Variants in FAM83E observed in about 807,000 individuals in gnomAD.
FAM83E encodes the protein protein FAM83E.
FAM83E carries 29 observed loss-of-function variants against 34.3 expected under a neutral mutation model. That is an observed-to-expected ratio of 0.85 (90% CI 0.63 to 1.15). The LOEUF (loss-of-function observed/expected upper bound fraction) is 1.15. FAM83E is among the 50% of genes most tolerant of loss of function. The pLI is 0.00. For missense variants in FAM83E, 697 were observed against 685.0 expected, an observed-to-expected ratio of 1.02 and a Z score of -0.20; for synonymous variants, 312 against 311.6, an observed-to-expected ratio of 1.00 and a Z score of -0.01.
At chr19:48,607,019 C>T (rs1973943330) in intron 5 of FAM83E, 1 of 1,610,936 alleles carries the variant, frequency 6.2e-7, no homozygotes, top group South Asian at 1.1e-5. Flanking sequence ...ATGGCTCTGC[C>T]CCCAGGCACG....
At chr19:48,610,092 T>A in intron 4 of FAM83E, 92 bp from the exon 5 acceptor site, 1 of 1,500,012 alleles carries the variant, frequency 6.7e-7, no homozygotes, top group Non-Finnish European at 9.0e-7. Context: ...GGGGGACCCA[T>A]GACTCCATAG....
intron 5 of FAM83E, among the ~76,000 whole-genome samples, chr19:48,604,571 A>G (rs1302225547): frequency 6.7e-6 from 1 of 149,054 alleles, no homozygotes; most frequent in African/African-American, 2.5e-5. Flanking sequence ...ACCTCAGGTG[A>G]TCCACCCGCC....
At position 48,610,813 on chromosome 19, in the gene FAM83E, G is replaced by T; in HGVS notation, c.500C>A (p.Pro167Gln). The change falls in exon 4 of 7, where the codon CCA becomes CAA. Residue 167 changes from proline (P) to glutamine (Q), a missense_variant. Physicochemically the swap from Pro to Gln is moderately conservative, Grantham distance 76 (BLOSUM62 -1). Coordinates refer to ENST00000263266, the MANE Select transcript of FAM83E (RefSeq NM_017708.4). ...VAVVMDVFTD[P>Q]DLLLDLVDAA... ...ATCCACCAAGTCCAAAAGCAGGTCT[G>T]GGTCAGTGAAGACGTCCATGACCAC... The T allele has an allele frequency of 6.3e-7, 1 of 1,595,190 alleles. No homozygotes were observed. Among genetic ancestry groups the T allele is most frequent in the East Asian group, 2.3e-5 (1 of 44,076 alleles).
intron 2 of FAM83E, 21 bp downstream of exon 2, chr19:48,614,687 C>T (rs925415962): frequency 5.1e-6 from 5 of 984,878 alleles, no homozygotes; most frequent in South Asian, 4.7e-5. Flanking sequence ...CTCACCCATC[C>T]CCCCCATCGC....
chr19:48,607,537 G>A, intron 5 of FAM83E: 1 of 786,436 alleles, frequency 1.3e-6, no homozygotes, highest in East Asian at 2.7e-5. Flanking sequence ...GCCTGACTGA[G>A]CGGCAGGGGA....
In FAM83E at chr19:48,609,987, C is replaced by T. The variant is rs71357835; in HGVS notation, c.647G>A (p.Arg216His). The T allele has an allele frequency of 1.6e-3, 2,593 of 1,612,088 alleles. 8 individuals are homozygous for T. Among genetic ancestry groups the T allele is most frequent in the Non-Finnish European group, 1.7e-3 (2,043 of 1,179,968 alleles). Residue 216 changes from arginine to histidine, a missense_variant, in exon 5 of 7, where the codon CGT becomes CAT. Transcript: ENST00000263266. The part of the protein sequence containing the change: ...NPWNTENVDV[R>H]VVRGCSFQSR... ...CTGGAAGCTGCAGCCCCGCACGACACGGACATCCACGTTCTGTTGGTGTGG... is the reference window on the plus strand; with the variant it reads ...CTGGAAGCTGCAGCCCCGCACGACATGGACATCCACGTTCTGTTGGTGTGG...
chr19:48,612,485 A>G (rs1601133033), intron 3 of FAM83E, among the ~76,000 whole-genome samples: 2 of 150,816 alleles, frequency 1.3e-5, no homozygotes, highest in Admixed American at 6.6e-5. Flanking sequence ...GCTCACTGCA[A>G]CCTCCGCCTC....
chr19:48,608,407 C>A (rs934271766), intron 5 of FAM83E, among the ~76,000 whole-genome samples: 2 of 151,328 alleles, frequency 1.3e-5, no homozygotes, highest in African/African-American at 4.9e-5. Context: ...ACCACCACGC[C>A]TGGCCTTTTT....
intron 5 of FAM83E, among the ~76,000 whole-genome samples, chr19:48,604,445 C>T (rs894779227): frequency 7.3e-5 from 11 of 150,868 alleles, no homozygotes; most frequent in African/African-American, 2.7e-4. Context: ...ATTCTCCTGC[C>T]TCAGCCTCCT....
chr19:48,610,430 A>G (rs1281735573), intron 4 of FAM83E, among the ~76,000 whole-genome samples: 1 of 146,158 alleles, frequency 6.8e-6, no homozygotes, highest in Non-Finnish European at 1.5e-5. Flanking sequence ...AAAAAGAAGT[A>G]TCTGTCTCAG....
chr19:48,610,947 G>C (rs1031656206), intron 3 of FAM83E, 100 bp from the exon 4 acceptor site: 3 of 1,235,758 alleles, frequency 2.4e-6, no homozygotes, highest in East Asian at 2.6e-5. Context: ...TGGGAGTAAA[G>C]TGCTCTGGGG....
chr19:48,609,891 A>G lies in FAM83E; in HGVS notation c.743T>C (p.Ile248Thr), dbSNP rs556877530. The G allele has an allele frequency of 3.7e-6, 6 of 1,612,824 alleles. No individual in the cohort carries two copies. The South Asian group carries it at 5.5e-5, about 15-fold the overall frequency. Residue 248 changes from isoleucine (I) to threonine (T), a missense_variant, in exon 5 of 7, where the codon ATC (isoleucine) becomes ACC (threonine). Physicochemically the swap from Ile to Thr is moderately conservative, Grantham distance 89. Coordinates refer to ENST00000263266, the MANE Select transcript of FAM83E (RefSeq NM_017708.4). ...GGGGCTACACCTGTAGGATCCTGAG[A>G]TGACCCTCTCGCCGTCCAGCAGCAC... ...KFVLLDGERVISGSYSFTWSD... is the reference protein window; with the variant it reads ...KFVLLDGERVTSGSYSFTWSD...
chr19:48,613,109 G>A lies in FAM83E; in HGVS notation c.264C>T (p.Ala88=). The A allele has an allele frequency of 1.9e-6, 3 of 1,610,680 alleles. No individual in the cohort carries two copies. Among genetic ancestry groups the A allele is most frequent in the Non-Finnish European group, 2.5e-6 (3 of 1,179,286 alleles). ...KQEPSGMAEG[A]TTTDVDAGSL... is the part of the protein sequence containing the mutation. Reference sequence around the variant, plus strand: ...TGCCCGCGTCCACATCGGTGGTGGTGGCTCCCTCTGCCATCCCGCTGGGCT... The same window carrying A: ...TGCCCGCGTCCACATCGGTGGTGGTAGCTCCCTCTGCCATCCCGCTGGGCT... Residue 88 remains alanine, a synonymous_variant, in exon 3 of 7, where the codon GCC becomes GCT. Transcript: ENST00000263266.
intron 5 of FAM83E, chr19:48,607,395 G>T (rs567456740): frequency 1.3e-6 from 2 of 1,530,774 alleles, no homozygotes; most frequent in Admixed American, 3.9e-5. Flanking sequence ...TCCCAGATCC[G>T]CCACTCCCCA....
Position 48,614,562 on chromosome 19 carries a change from A to T in FAM83E, c.-1190T>A. 1 of 985,922 alleles carries T rather than the reference A, an allele frequency of 1.0e-6. No homozygotes were observed. The highest frequency in any genetic ancestry group is 1.2e-6 in the Non-Finnish European group (1 of 830,444). The allele number at this position is 985,922 out of a possible 1,614,324, so 61.1% of individuals were successfully genotyped here. On this transcript the variant is annotated 5_prime_UTR_variant, in exon 3 of 7. Coordinates refer to ENST00000263266, the MANE Select transcript of FAM83E (RefSeq NM_017708.4). The stretch of plus-strand genomic sequence containing the variant: ...GACCCTGGACCCTTGATCCCTGCAA[A>T]CCAGAAGCCCTTCATTCCAATCCCA...
At chr19:48,610,398 CAAAAAAAAA>C (rs71179016) in intron 4 of FAM83E, among the ~76,000 whole-genome samples, 3 of 31,334 alleles carry the variant, frequency 9.6e-5, no homozygotes, top group African/African-American at 2.5e-4. Context: ...CACTCCGTCT[CAAAAAAAAA>C]AAAAAAAAAA....
chr19:48,612,570 A>G (rs911488403), intron 3 of FAM83E, among the ~76,000 whole-genome samples: 1 of 151,862 alleles, frequency 6.6e-6, no homozygotes, highest in South Asian at 2.1e-4. Flanking sequence ...TGCCCGGCTA[A>G]TTTTTGTATT....
intron 5 of FAM83E, chr19:48,607,074 G>A: frequency 6.2e-7 from 1 of 1,613,198 alleles, no homozygotes; most frequent in Non-Finnish European, 8.5e-7. Context: ...CCGACTCCAT[G>A]CAGTGTCCTG....
chr19:48,607,524 C>A, intron 5 of FAM83E: 1 of 892,482 alleles, frequency 1.1e-6, no homozygotes, highest in Non-Finnish European at 1.7e-6. Context: ...GAAGCATCCC[C>A]AGGCCTGACT....
Sources: gnomAD v4.1 joint callset for allele counts (sites outside exome capture counted in the v4.1 genomes callset) on GRCh38, gnomAD v4.1.1 for gene constraint, MANE v1.5 for transcripts, NCBI Gene and HGNC (gene_info 2026-07-23, HGNC 2026-07-21) for gene names.